Variants in ESRRG observed in about 807,000 individuals in gnomAD.
ESRRG encodes estrogen related receptor gamma.
A neutral mutation model predicts 44.0 loss-of-function variants in ESRRG; 13 were observed. The ratio of observed to expected loss-of-function variants is 0.30; its 90% CI spans 0.19 to 0.47. ESRRG has a LOEUF of 0.47. ESRRG is among the 20% of genes least tolerant of loss of function. The pLI is 1.00. For synonymous variants in ESRRG, 215 were observed against 214.6 expected, an observed-to-expected ratio of 1.00 and a Z score of -0.02; for missense variants, 395 against 580.6, an observed-to-expected ratio of 0.68 and a Z score of 3.29.
rs1356361105 is a variant in ESRRG at position 216,740,468 on chromosome 1, A to G, written c.-13-62977T>C. On this transcript the variant is annotated intron_variant, in intron 2 of 7. Coordinates refer to the ESRRG transcript ENST00000359162. ...TAATTTTACAAGAGAGCCCCAGAGA[A>G]GAGGAGAGCACAACACAAGCTTCCC... Among the ~76,000 whole-genome samples the G allele has an allele frequency of 2.6e-5, 4 of 152,214 alleles. No individual in the cohort carries two copies. The East Asian group carries it at 7.8e-4, about 30-fold the overall frequency.
chr1:216,698,727 A>T (rs1003048741), intron 1 of ESRRG, among the ~76,000 whole-genome samples: 4 of 152,110 alleles, frequency 2.6e-5, no homozygotes, highest in African/African-American at 9.7e-5. Context: ...GGGGTGTCAG[A>T]GAAAGAAATG....
intron 1 of ESRRG, among the ~76,000 whole-genome samples, chr1:217,018,554 C>T (rs868483988): frequency 2.6e-5 from 4 of 152,166 alleles, no homozygotes; most frequent in Non-Finnish European, 5.9e-5. Flanking sequence ...CTCCCTCCTT[C>T]CCCATCCACA....
Position 216,623,538 on chromosome 1 carries a change from C to T in ESRRG, c.589+27435G>A, listed in dbSNP as rs6674515. Among the ~76,000 whole-genome samples the T allele has an allele frequency of 6.3e-3, 956 of 152,166 alleles. 10 individuals are homozygous for T. The highest frequency in any genetic ancestry group is 0.022 in the African/African-American group (919 of 41,520). ...AAGAGAAAAGGTACCAGTGACAAAA[C>T]TATACTATTGAGGGACCAAGGAAAT... On this transcript the variant is annotated intron_variant, in intron 3 of 6. Transcript: ENST00000408911.
intron 1 of ESRRG, among the ~76,000 whole-genome samples, chr1:216,680,017 T>TG (rs2076773291): frequency 6.6e-6 from 1 of 152,088 alleles, no homozygotes; most frequent in Admixed American, 6.5e-5. Context: ...GCCAGAAAGG[T>TG]CCTTAAAACA....
intron 1 of ESRRG, among the ~76,000 whole-genome samples, chr1:216,945,738 T>A (rs994067946): frequency 3.3e-5 from 5 of 152,192 alleles, no homozygotes; most frequent in African/African-American, 1.2e-4. Context: ...AAAAAATGAC[T>A]TTAGACTCTG....
intron 2 of ESRRG, among the ~76,000 whole-genome samples, chr1:216,753,499 T>C (rs2092232114): frequency 6.6e-6 from 1 of 152,030 alleles, no homozygotes; most frequent in Non-Finnish European, 1.5e-5. Flanking sequence ...TGAAAGAAAA[T>C]GTCAGGAAAG....
At chr1:216,890,905 G>A (rs547868631) in intron 2 of ESRRG, among the ~76,000 whole-genome samples, 7 of 152,074 alleles carry the variant, frequency 4.6e-5, no homozygotes, top group South Asian at 2.1e-4. Flanking sequence ...ATGCAAAATC[G>A]TCCATTTAAT....
intron 1 of ESRRG, among the ~76,000 whole-genome samples, chr1:217,074,094 C>T (rs1358137746): frequency 6.8e-6 from 1 of 147,880 alleles, no homozygotes; most frequent in Non-Finnish European, 1.5e-5. Context: ...GTCGCCCGGG[C>T]TGGTGTGCAA....
chr1:216,711,650 A>G lies in ESRRG; in HGVS notation c.56+11594T>C, dbSNP rs188200211. On this transcript the variant is annotated intron_variant, in intron 1 of 6. Transcript: ENST00000408911. ...GCTAAGCAACCGCAGAAGACATATC[A>G]GATAAATGTAAACTTTTTCAGTGTG... 1.3e-4 allele frequency among the ~76,000 whole-genome samples: 20 copies of G among 152,326 alleles called. No homozygotes were observed. In the East Asian group the frequency reaches 3.7e-3, roughly 28 times the overall value.
At chr1:216,998,846 T>C (rs758398023) in intron 1 of ESRRG, among the ~76,000 whole-genome samples, 7 of 152,248 alleles carry the variant, frequency 4.6e-5, no homozygotes, top group Non-Finnish European at 1.0e-4. Flanking sequence ...AAATTATAAA[T>C]GGCCATTGAG....
intron 6 of ESRRG, among the ~76,000 whole-genome samples, chr1:216,515,096 T>A (rs2043828931): frequency 6.6e-6 from 1 of 152,054 alleles, no homozygotes; most frequent in East Asian, 1.9e-4. Context: ...ATATTAGACA[T>A]TATTTAATTC....
At chr1:217,075,330 G>A (rs1299285890) in intron 1 of ESRRG, among the ~76,000 whole-genome samples, 2 of 152,166 alleles carry the variant, frequency 1.3e-5, no homozygotes, top group Non-Finnish European at 2.9e-5. Flanking sequence ...TCACTCTACA[G>A]ATGAGAATGT....
At chr1:216,629,818 C>CCACAGTGGG (rs2063810811) in intron 3 of ESRRG, among the ~76,000 whole-genome samples, 1 of 152,020 alleles carries the variant, frequency 6.6e-6, no homozygotes, top group Non-Finnish European at 1.5e-5. Flanking sequence ...GGCAAAATAC[C>CCACAGTGGG]AAATCATACC....
At chr1:216,843,638 C>T (rs190066208) in intron 2 of ESRRG, among the ~76,000 whole-genome samples, 10 of 152,196 alleles carry the variant, frequency 6.6e-5, no homozygotes, top group Admixed American at 2.6e-4. Flanking sequence ...TGCAATCATC[C>T]GGCAAGCAAG....
At chr1:216,998,548 ATTG>A in intron 1 of ESRRG, among the ~76,000 whole-genome samples, 1 of 152,166 alleles carries the variant, frequency 6.6e-6, no homozygotes, top group Non-Finnish European at 1.5e-5. Context: ...CACTTATAAT[ATTG>A]TTATCATTTA....
rs949305493 is a variant in ESRRG at position 216,525,201 on chromosome 1, G to GT, written c.863-5781dup. ...ATGACAAGAGGTTTTGTTTTGTTTT[G>GT]TTTTTTTCCTGTGAGTGGGAGTTTT... On this transcript the variant is annotated intron_variant, in intron 5 of 6. Coordinates refer to ENST00000408911, the MANE Select transcript of ESRRG (RefSeq NM_001438.4). Among the ~76,000 whole-genome samples the GT allele has an allele frequency of 5.3e-5, 8 of 151,876 alleles. No homozygotes were observed. The East Asian group carries it at 1.5e-3, about 29-fold the overall frequency.
intron 1 of ESRRG, among the ~76,000 whole-genome samples, chr1:216,702,336 C>A (rs1410406006): frequency 6.6e-6 from 1 of 152,096 alleles, no homozygotes; most frequent in Non-Finnish European, 1.5e-5. Context: ...ACATTCACAG[C>A]CAGTAGGCTG....
At chr1:216,785,445 C>T (rs888064819) in intron 2 of ESRRG, among the ~76,000 whole-genome samples, 1 of 152,030 alleles carries the variant, frequency 6.6e-6, no homozygotes, top group Non-Finnish European at 1.5e-5. Flanking sequence ...GTATTCTAGA[C>T]ATCACGGTGT....
chr1:216,907,793 C>T (rs1051381144), intron 2 of ESRRG, among the ~76,000 whole-genome samples: 3 of 152,146 alleles, frequency 2.0e-5, no homozygotes, highest in Non-Finnish European at 2.9e-5. Context: ...TGCCGGTTGA[C>T]GTATTTCTTG....
Sources: allele counts gnomAD v4.1 joint callset (sites outside exome capture counted in the v4.1 genomes callset), GRCh38; gene constraint gnomAD v4.1.1; transcripts MANE v1.5; gene names NCBI Gene and HGNC (gene_info 2026-07-23, HGNC 2026-07-21).